The following NECAB1 variants were observed in gnomAD, a reference collection of about 807,000 sequenced individuals.
NECAB1 encodes N-terminal EF-hand calcium binding protein 1, also known as N-terminal EF-hand calcium-binding protein 1.
NECAB1 carries 29 observed loss-of-function variants against 57.5 expected under a neutral mutation model. The observed-to-expected ratio is 0.50, with a 90% CI of 0.38 to 0.69. The LOEUF is 0.69. Among genes scored for constraint, NECAB1 ranks in the 30% least tolerant of loss-of-function variants. NECAB1 has a pLI of 0.00. For synonymous variants in NECAB1, 142 were observed against 147.7 expected, an observed-to-expected ratio of 0.96 and a Z score of 0.28; for missense variants, 372 against 413.8, an observed-to-expected ratio of 0.90 and a Z score of 0.88.
At chr8:90,890,060 G>T (rs1586090720) in intron 5 of NECAB1, among the ~76,000 whole-genome samples, 1 of 152,018 alleles carries the variant, frequency 6.6e-6, no homozygotes. Flanking sequence ...AAATCAAATT[G>T]ATTTTTGAAA....
chr8:90,947,311 C>G (rs565663867), intron 10 of NECAB1, among the ~76,000 whole-genome samples: 1 of 140,296 alleles, frequency 7.1e-6, no homozygotes, highest in African/African-American at 2.7e-5. Flanking sequence ...CATACACACA[C>G]ACACACACAC....
chr8:90,802,314 C>T (rs573956689), intron 2 of NECAB1, among the ~76,000 whole-genome samples: 19 of 152,316 alleles, frequency 1.2e-4, no homozygotes, highest in African/African-American at 4.6e-4. Flanking sequence ...AGATGGCAAC[C>T]TCGAAGTAAA....
intron 2 of NECAB1, among the ~76,000 whole-genome samples, chr8:90,817,528 G>T (rs546761665): frequency 6.6e-6 from 1 of 151,370 alleles, no homozygotes. Flanking sequence ...TTATTAATGG[G>T]TGTATGATTT....
At chr8:90,809,548 T>C (rs1200043049) in intron 2 of NECAB1, among the ~76,000 whole-genome samples, 1 of 152,176 alleles carries the variant, frequency 6.6e-6, no homozygotes, top group Non-Finnish European at 1.5e-5. Flanking sequence ...TAATTGGAAG[T>C]GTTAAGTAAG....
At chr8:90,940,928 C>T (rs1425022983) in intron 10 of NECAB1, 30 bp downstream of exon 10, 1 of 1,491,152 alleles carries the variant, frequency 6.7e-7, no homozygotes, top group Admixed American at 2.0e-5. Context: ...CACCTTAGGC[C>T]TTTGGCAGCC....
At chr8:90,910,917 C>A (rs1809814947) in intron 5 of NECAB1, among the ~76,000 whole-genome samples, 1 of 152,104 alleles carries the variant, frequency 6.6e-6, no homozygotes. Context: ...CCATGCAATG[C>A]ATCTCTTGTG....
chr8:90,937,259 G>C (rs887807334), intron 9 of NECAB1, among the ~76,000 whole-genome samples: 1 of 152,162 alleles, frequency 6.6e-6, no homozygotes, highest in Admixed American at 6.5e-5. Context: ...TCCAGGCCTG[G>C]AGATAGGGTC....
intron 3 of NECAB1, among the ~76,000 whole-genome samples, chr8:90,858,789 C>A (rs905429939): frequency 6.6e-6 from 1 of 152,124 alleles, no homozygotes; most frequent in African/African-American, 2.4e-5. Flanking sequence ...GAAGAATGCA[C>A]CCAAGTGGAG....
At chr8:90,916,817 G>A (rs1274149948) in intron 5 of NECAB1, among the ~76,000 whole-genome samples, 1 of 152,180 alleles carries the variant, frequency 6.6e-6, no homozygotes, top group Non-Finnish European at 1.5e-5. Flanking sequence ...GACCTCTGCA[G>A]TGACCCTGGG....
At chr8:90,930,807 A>G (rs1810385993) in intron 8 of NECAB1, among the ~76,000 whole-genome samples, 1 of 152,246 alleles carries the variant, frequency 6.6e-6, no homozygotes, top group African/African-American at 2.4e-5. Context: ...TATGGAAATT[A>G]GTTTTCCAAT....
At chr8:90,851,571 T>C (rs1812684096) in intron 3 of NECAB1, among the ~76,000 whole-genome samples, 1 of 151,888 alleles carries the variant, frequency 6.6e-6, no homozygotes, top group Non-Finnish European at 1.5e-5. Context: ...ATTTTGTGGG[T>C]ATAGAAAAAA....
chr8:90,953,325 A>G (rs1489293106), intron 12 of NECAB1, among the ~76,000 whole-genome samples: 1 of 152,224 alleles, frequency 6.6e-6, no homozygotes, highest in African/African-American at 2.4e-5. Context: ...TATTTTCTAG[A>G]CACTACTAGT....
At chr8:90,828,443 T>G (rs541341414) in intron 3 of NECAB1, among the ~76,000 whole-genome samples, 7 of 152,170 alleles carry the variant, frequency 4.6e-5, no homozygotes, top group African/African-American at 1.4e-4. Context: ...AGGCACAAGC[T>G]TAAGCTCAGT....
chr8:90,829,941 A>C (rs992146470), intron 3 of NECAB1, among the ~76,000 whole-genome samples: 5 of 152,082 alleles, frequency 3.3e-5, no homozygotes, highest in Non-Finnish European at 7.4e-5. Context: ...ATTGGAAAGT[A>C]ATGATTTCAA....
At chr8:90,934,483 A>T (rs1361602100) in intron 9 of NECAB1, 126 bp downstream of exon 9, 10 of 654,926 alleles carry the variant, frequency 1.5e-5, no homozygotes, top group Non-Finnish European at 2.5e-5. Flanking sequence ...ATTTTATAAG[A>T]TTCAGTAGTG....
chr8:90,807,446 TG>T (rs1209328324), intron 2 of NECAB1, among the ~76,000 whole-genome samples: 1 of 152,184 alleles, frequency 6.6e-6, no homozygotes, highest in Non-Finnish European at 1.5e-5. Context: ...CAATAAAGGC[TG>T]GGTCATCACC....
intron 4 of NECAB1, among the ~76,000 whole-genome samples, chr8:90,877,334 A>C (rs1488414759): frequency 6.6e-6 from 1 of 152,032 alleles, no homozygotes; most frequent in Non-Finnish European, 1.5e-5. Context: ...TCCTTAGTGC[A>C]TCCCTTCCTT....
chr8:90,792,052 G>A, intron 1 of NECAB1, 67 bp downstream of exon 1: 1 of 1,328,808 alleles, frequency 7.5e-7, no homozygotes, highest in South Asian at 1.3e-5. Flanking sequence ...AAAGGAAGGG[G>A]TTCGGCTCAG....
intron 5 of NECAB1, among the ~76,000 whole-genome samples, chr8:90,915,817 G>GT (rs749436189): frequency 3.3e-5 from 5 of 152,182 alleles, no homozygotes; most frequent in African/African-American, 9.6e-5. Context: ...AACTACTGGT[G>GT]TAAGTCCAAG....
Sources: gnomAD v4.1 joint callset for allele counts (sites outside exome capture counted in the v4.1 genomes callset) on GRCh38, gnomAD v4.1.1 for gene constraint, MANE v1.5 for transcripts, NCBI Gene and HGNC (gene_info 2026-07-23, HGNC 2026-07-21) for gene names.